Variants in CROT observed in about 807,000 individuals in gnomAD.
CROT encodes peroxisomal carnitine O-octanoyltransferase.
In CROT, 84 loss-of-function variants were observed where a neutral mutation model predicts 89.2. That is an observed-to-expected ratio of 0.94 (90% confidence interval 0.79 to 1.13). The LOEUF is 1.13. CROT is among the 50% of genes most tolerant of loss of function. The pLI is 0.00. For synonymous variants in CROT, 212 were observed against 239.5 expected (o/e 0.89, Z 1.06); for missense variants, 711 against 727.8 (o/e 0.98, Z 0.27).
intron 7 of CROT, among the ~76,000 whole-genome samples, chr7:87,374,306 C>T (rs1270214126): frequency 6.6e-6 from 1 of 152,060 alleles, no homozygotes; most frequent in Non-Finnish European, 1.5e-5. Flanking sequence ...TATTATCAAA[C>T]TTAAAATGTC....
At chr7:87,355,046 A>G (rs934240748) in intron 3 of CROT, among the ~76,000 whole-genome samples, 3 of 152,074 alleles carry the variant, frequency 2.0e-5, no homozygotes, top group Non-Finnish European at 4.4e-5. Context: ...ACCATACAAG[A>G]TACTTTTTCA....
At chr7:87,385,518 A>G (rs1807159095) in intron 13 of CROT, among the ~76,000 whole-genome samples, 1 of 152,122 alleles carries the variant, frequency 6.6e-6, no homozygotes, top group Non-Finnish European at 1.5e-5. Context: ...TAGAAATGCT[A>G]CTGATTTTAA....
chr7:87,392,878 T>C (rs935254918), intron 16 of CROT, 55 bp downstream of exon 16: 1 of 1,610,502 alleles, frequency 6.2e-7, no homozygotes, highest in East Asian at 2.2e-5. Flanking sequence ...TTTTTGTATA[T>C]TAAATGGTTT....
intron 3 of CROT, among the ~76,000 whole-genome samples, chr7:87,358,928 G>A (rs74342089): frequency 0.013 from 2,009 of 152,268 alleles, 46 homozygotes; most frequent in African/African-American, 0.046. Context: ...GCCAGATAGT[G>A]TAAATAGGCT....
chr7:87,358,985 G>A (rs1446655551), intron 3 of CROT, among the ~76,000 whole-genome samples: 1 of 152,048 alleles, frequency 6.6e-6, no homozygotes, highest in African/African-American at 2.4e-5. Context: ...GCTCCCTCCC[G>A]ACTTGCTAAT....
At chr7:87,358,480 T>TC (rs1806167748) in intron 3 of CROT, among the ~76,000 whole-genome samples, 1 of 17,140 alleles carries the variant, frequency 5.8e-5, no homozygotes, top group Non-Finnish European at 1.2e-4. Context: ...AGACTCCATC[T>TC]CAAAAAAAAA....
rs1336464041 is a variant in CROT, at chr7:87,391,718, T to C, written c.1425+6T>C. The C allele has an allele frequency of 6.3e-7, 1 of 1,599,434 alleles. No homozygotes were observed. The highest frequency in any genetic ancestry group is 8.5e-7 in the Non-Finnish European group (1 of 1,175,708). On this transcript the variant is annotated splice_donor_region_variant and intron_variant, in intron 14 of 17. Coordinates refer to ENST00000331536, the MANE Select transcript of CROT (RefSeq NM_021151.4). ...TGCAGGATCCTTCTGTCAATGTGAG[T>C]ATTGGAAAGGAAAAAAACTCACAAG...
intron 10 of CROT, among the ~76,000 whole-genome samples, chr7:87,378,477 G>C (rs1269201162): frequency 1.3e-5 from 2 of 152,156 alleles, no homozygotes; most frequent in Non-Finnish European, 2.9e-5. Context: ...TTTGGGTAAA[G>C]CTGACTTCAA....
chr7:87,346,073 C>T (rs1249566019), intron 1 of CROT, among the ~76,000 whole-genome samples: 1 of 152,188 alleles, frequency 6.6e-6, no homozygotes, highest in Non-Finnish European at 1.5e-5. Flanking sequence ...TGCGACGAAC[C>T]TGTTACCCAG....
At chr7:87,394,446 C>T (rs1807460199) in intron 17 of CROT, among the ~76,000 whole-genome samples, 1 of 151,880 alleles carries the variant, frequency 6.6e-6, no homozygotes, top group Non-Finnish European at 1.5e-5. Context: ...AGAGAAAAGT[C>T]ATGACATTAC....
At chr7:87,376,539 T>C (rs1232502966) in intron 9 of CROT, among the ~76,000 whole-genome samples, 1 of 152,104 alleles carries the variant, frequency 6.6e-6, no homozygotes, top group Non-Finnish European at 1.5e-5. Context: ...CTCATAGTCT[T>C]TTGAAAATAC....
Position 87,392,744 on chromosome 7 carries a change from CT to C in CROT, c.1523del (p.Leu508Ter), listed in dbSNP as rs1807407310. The C allele has an allele frequency of 6.2e-7, 1 of 1,613,354 alleles. No homozygotes were observed. The highest frequency in any genetic ancestry group is 8.5e-7 in the Non-Finnish European group (1 of 1,179,646). On this transcript the variant is annotated frameshift_variant, in exon 16 of 18. Coordinates refer to ENST00000331536, the MANE Select transcript of CROT (RefSeq NM_021151.4). LOFTEE classifies it high-confidence loss of function. The part of the protein sequence containing the change: ...CSAGKGFDRH[L>X]LGLLLIAKEE... ...TTTCATTGCAGGATTTGATCGTCAC[CT>C]TTTAGGTCTCTTACTCATAGCAAAA... is the stretch of plus-strand genomic sequence containing the variant.
Position 87,375,652 on chromosome 7 carries a change from A to G in CROT, c.677A>G (p.Lys226Arg), listed in dbSNP as rs1028693396. The G allele has an allele frequency of 2.5e-6, 4 of 1,613,106 alleles. No individual in the cohort carries two copies. Among genetic ancestry groups the G allele is most frequent in the African/African-American group, 1.3e-5 (1 of 74,894 alleles). ...ATAAGACAACTGACATATATCCACAAGAAGTGCCATAGTGAACCTGATGGA... is the reference window on the plus strand; with the variant it reads ...ATAAGACAACTGACATATATCCACAGGAAGTGCCATAGTGAACCTGATGGA... Reference protein sequence around the residue: ...ELLRQLTYIHKKCHSEPDGPG... With the variant: ...ELLRQLTYIHRKCHSEPDGPG... Residue 226 changes from lysine (K) to arginine (R), a missense_variant, in exon 8 of 18, where the codon AAG becomes AGG. Transcript: ENST00000331536.
intron 4 of CROT, 132 bp downstream of exon 4, chr7:87,359,462 G>A (rs977198516): frequency 5.0e-6 from 7 of 1,410,566 alleles, no homozygotes; most frequent in Admixed American, 3.1e-5. Context: ...TCCAAAAGAA[G>A]GAATGAATCA....
Position 87,349,128 on chromosome 7 carries a change from T to C in CROT, c.60T>C (p.Leu20=). 6.2e-7 allele frequency: 1 copy of C among 1,608,368 alleles called. No homozygotes were observed. Among genetic ancestry groups the C allele is most frequent in the Non-Finnish European group, 8.5e-7 (1 of 1,176,532 alleles). The change falls in exon 3 of 18, where the codon CTT becomes CTC. Residue 20 remains leucine (L), a synonymous_variant. Transcript: ENST00000331536. ...GAACATTTCAGTACCAGGATTCTCTTCCATCACTGCCTGTTCCTTCACTTG... is the reference window on the plus strand; with the variant it reads ...GAACATTTCAGTACCAGGATTCTCTCCCATCACTGCCTGTTCCTTCACTTG... ...EERTFQYQDS[L]PSLPVPSLEE... is the part of the protein sequence containing the mutation.
At chr7:87,348,201 T>C (rs1805752913) in intron 2 of CROT, among the ~76,000 whole-genome samples, 1 of 151,628 alleles carries the variant, frequency 6.6e-6, no homozygotes, top group South Asian at 2.1e-4. Context: ...TTTAATATAT[T>C]ACATTATTTA....
At chr7:87,365,204 T>C (rs1399332229) in intron 6 of CROT, among the ~76,000 whole-genome samples, 2 of 151,954 alleles carry the variant, frequency 1.3e-5, no homozygotes, top group Non-Finnish European at 2.9e-5. Flanking sequence ...AAAGTGAAAA[T>C]TGGGCCAGGC....
At position 87,361,403 on chromosome 7, in the gene CROT, G is replaced by T; in HGVS notation, c.254G>T (p.Trp85Leu). 1 of 1,613,148 alleles carries T rather than the reference G, an allele frequency of 6.2e-7. No individual in the cohort carries two copies. The highest frequency in any genetic ancestry group is 1.1e-5 in the South Asian group (1 of 90,838). The change falls in exon 5 of 18, where the codon TGG (tryptophan) becomes TTG (leucine). Residue 85 changes from tryptophan (W) to leucine (L), a missense_variant. Transcript: ENST00000331536. ...KGKRNWLEEW[W>L]LNVAYLDVRI... ...AATTTCTTTTAGCTGGAAGAGTGGT[G>T]GCTGAATGTTGCCTATCTGGATGTT...
At chr7:87,363,762 T>C (rs1199134617) in intron 6 of CROT, among the ~76,000 whole-genome samples, 2 of 152,212 alleles carry the variant, frequency 1.3e-5, no homozygotes, top group African/African-American at 4.8e-5. Context: ...GAATAGACTT[T>C]TAGAGGTGAG....
Sources: gnomAD v4.1 joint callset for allele counts (sites outside exome capture counted in the v4.1 genomes callset) on GRCh38, gnomAD v4.1.1 for gene constraint, MANE v1.5 for transcripts, NCBI Gene and HGNC (gene_info 2026-07-23, HGNC 2026-07-21) for gene names.